The following PIWIL3 variants were observed in gnomAD, a reference collection of about 807,000 sequenced individuals.
The protein encoded by PIWIL3 is piwi-like protein 3.
PIWIL3 carries 101 observed loss-of-function variants against 109.7 expected under a neutral mutation model. The ratio of observed to expected loss-of-function variants is 0.92; its 90% CI spans 0.78 to 1.09. The LOEUF (loss-of-function observed/expected upper bound fraction) is 1.09. Ranked by LOEUF, PIWIL3 falls within the 50% of genes least tolerant of loss-of-function variation. The probability of loss-of-function intolerance (pLI) is 0.00; values close to 1 mark genes in which losing one functional copy is unlikely to be tolerated. For missense variants in PIWIL3, 1,031 were observed against 1,072.6 expected, an observed-to-expected ratio of 0.96 and a Z score of 0.54; for synonymous variants, 373 against 376.4, an observed-to-expected ratio of 0.99 and a Z score of 0.10.
chr22:24,724,558 C>T (rs1172026800), intron 18 of PIWIL3, among the ~76,000 whole-genome samples: 3 of 152,006 alleles, frequency 2.0e-5, no homozygotes, highest in African/African-American at 7.3e-5. Context: ...CCTCAGCCTC[C>T]CGAGTAGCTG....
intron 1 of PIWIL3, among the ~76,000 whole-genome samples, chr22:24,764,882 T>G (rs1197355789): frequency 1.3e-5 from 2 of 152,156 alleles, no homozygotes; most frequent in Non-Finnish European, 2.9e-5. Context: ...GGCAGGGTTC[T>G]GTGAAAAGGA....
chr22:24,759,727 G>C, intron 3 of PIWIL3, 142 bp downstream of exon 3: 1 of 1,217,196 alleles, frequency 8.2e-7, no homozygotes, highest in Non-Finnish European at 1.2e-6. Context: ...TGCACAAAGA[G>C]AGACAGTTGC....
At chr22:24,774,269 G>A (rs1353077011) in intron 1 of PIWIL3, 53 bp downstream of exon 1, 2 of 151,990 alleles carry the variant, frequency 1.3e-5, no homozygotes, top group African/African-American at 4.8e-5. Context: ...ATGCCCCCAT[G>A]CCTTATGCAC....
At chr22:24,745,693 CG>C (rs1212609363) in intron 12 of PIWIL3, among the ~76,000 whole-genome samples, 1 of 90,748 alleles carries the variant, frequency 1.1e-5, no homozygotes, top group Non-Finnish European at 2.2e-5. Context: ...ATAAACAAAA[CG>C]GACAAATCTT....
intron 1 of PIWIL3, among the ~76,000 whole-genome samples, chr22:24,767,316 A>G (rs1245444759): frequency 6.6e-6 from 1 of 152,030 alleles, no homozygotes; most frequent in East Asian, 1.9e-4. Flanking sequence ...TGGGCGGATA[A>G]CCTGAGGTCA....
Position 24,751,385 on chromosome 22 carries a change from AC to A in PIWIL3, c.1089+1del. 1 of 1,597,926 alleles carries A rather than the reference AC, an allele frequency of 6.3e-7. No homozygotes were observed. The highest frequency in any genetic ancestry group is 1.7e-4 in the Middle Eastern group (1 of 5,986). On this transcript the variant is annotated splice_donor_variant, in intron 9 of 20. Transcript: ENST00000616349. LOFTEE classifies it high-confidence loss of function. The stretch of plus-strand genomic sequence containing the variant: ...TATATTTAAAGAAATACAGTTTCAT[AC>A]CTGCCTGTAGTAGTCTATATAGGTG...
chr22:24,728,774 C>G (rs1923151408), intron 14 of PIWIL3, among the ~76,000 whole-genome samples: 1 of 152,120 alleles, frequency 6.6e-6, no homozygotes, highest in Non-Finnish European at 1.5e-5. Flanking sequence ...AATATCATTT[C>G]CATCCTAGTT....
At chr22:24,772,793 G>C (rs1459860908) in intron 1 of PIWIL3, among the ~76,000 whole-genome samples, 1 of 152,226 alleles carries the variant, frequency 6.6e-6, no homozygotes, top group Non-Finnish European at 1.5e-5. Flanking sequence ...ATCGGGAAGA[G>C]AAAGTTTTAA....
chr22:24,747,435 C>T (rs1287493426), intron 12 of PIWIL3, among the ~76,000 whole-genome samples: 1 of 152,106 alleles, frequency 6.6e-6, no homozygotes, highest in African/African-American at 2.4e-5. Flanking sequence ...GCACAGGCAA[C>T]TAAAGCAAAA....
chr22:24,749,609 G>C (rs758453025), intron 10 of PIWIL3, 84 bp downstream of exon 10: 116 of 1,611,346 alleles, frequency 7.2e-5, no homozygotes, highest in Non-Finnish European at 9.5e-5. Flanking sequence ...TACTACCAAG[G>C]AGACACCCTT....
chr22:24,735,614 TAC>T, intron 13 of PIWIL3, 92 bp downstream of exon 13: 2 of 1,260,660 alleles, frequency 1.6e-6, no homozygotes, highest in Non-Finnish European at 2.2e-6. Flanking sequence ...AAGGTTTTGA[TAC>T]AGTGACCAAT....
intron 1 of PIWIL3, among the ~76,000 whole-genome samples, chr22:24,763,292 G>A (rs568294171): frequency 1.3e-5 from 2 of 151,274 alleles, no homozygotes; most frequent in African/African-American, 4.9e-5. Context: ...ACCGCACCCA[G>A]CTAGTTTTGT....
chr22:24,763,070 A>AAAAAGACTGACTGCCCCCCG (rs1453864602), intron 1 of PIWIL3, among the ~76,000 whole-genome samples: 3 of 152,088 alleles, frequency 2.0e-5, no homozygotes, highest in Admixed American at 6.6e-5. Flanking sequence ...CTATCACATC[A>AAAAAGACTGACTGCCCCCCG]AAAAGACTGA....
At chr22:24,719,962 T>G (rs757176094) in intron 19 of PIWIL3, 67 bp from the exon 20 acceptor site, 10 of 1,325,282 alleles carry the variant, frequency 7.5e-6, no homozygotes, top group Non-Finnish European at 1.0e-5. Flanking sequence ...ACTTAATGTC[T>G]GAAATGAAAA....
chr22:24,745,684 TAAAC>T (rs925393597), intron 12 of PIWIL3, among the ~76,000 whole-genome samples: 5 of 50,986 alleles, frequency 9.8e-5, no homozygotes, highest in Non-Finnish European at 2.2e-4. Context: ...TTTGAAAAGA[TAAAC>T]AAAACGGACA....
chr22:24,762,276 A>G, intron 2 of PIWIL3, 122 bp downstream of exon 2: 1 of 1,411,878 alleles, frequency 7.1e-7, no homozygotes, highest in Non-Finnish European at 9.3e-7. Flanking sequence ...TTTTCTTATG[A>G]ACTTTTATTA....
At chr22:24,759,834 C>A (rs758613060) in intron 3 of PIWIL3, 35 bp downstream of exon 3, 3 of 1,613,442 alleles carry the variant, frequency 1.9e-6, no homozygotes, top group Non-Finnish European at 2.5e-6. Context: ...CATGAAGCAT[C>A]CCCTGCCCCT....
intron 16 of PIWIL3, among the ~76,000 whole-genome samples, chr22:24,726,428 G>A (rs557477511): frequency 5.3e-5 from 8 of 151,890 alleles, no homozygotes; most frequent in Admixed American, 2.6e-4. Flanking sequence ...GACTACAGGC[G>A]CCCACCACCA....
At chr22:24,748,267 CAG>C (rs1924489569) in intron 12 of PIWIL3, among the ~76,000 whole-genome samples, 1 of 151,854 alleles carries the variant, frequency 6.6e-6, no homozygotes, top group Admixed American at 6.6e-5. Context: ...AGGATGGTTA[CAG>C]AGTCTGGGAA....
Sources: allele counts gnomAD v4.1 joint callset (sites outside exome capture counted in the v4.1 genomes callset), GRCh38; gene constraint gnomAD v4.1.1; transcripts MANE v1.5; gene names NCBI Gene and HGNC (gene_info 2026-07-23, HGNC 2026-07-21).